PFKP: variants seen among roughly 807,000 people sequenced by gnomAD.
PFKP encodes phosphofructokinase, platelet.
In PFKP, 101 loss-of-function variants were observed where a neutral mutation model predicts 94.3. The observed-to-expected ratio is 1.07, with a 90% CI of 0.91 to 1.26. The LOEUF (loss-of-function observed/expected upper bound fraction) is 1.26, where lower values mean the gene tolerates loss of function less well. Among genes scored for constraint, PFKP ranks in the 50% most tolerant of loss-of-function variants. The pLI, the probability that PFKP is intolerant of heterozygous loss-of-function variation, is 0.00. For synonymous variants in PFKP, 573 were observed against 432.6 expected, an observed-to-expected ratio of 1.32 and a Z score of -4.03; for missense variants, 1,145 against 1,103.3, an observed-to-expected ratio of 1.04 and a Z score of -0.53.
Position 3,116,845 on chromosome 10 carries a change from C to T in PFKP, c.1441C>T (p.Arg481Cys), listed in dbSNP as rs766266837. 2.9e-5 allele frequency: 46 copies of T among 1,602,310 alleles called. No homozygotes were observed. Among genetic ancestry groups the T allele is most frequent in the African/African-American group, 6.7e-5 (5 of 74,660 alleles). Reference protein sequence around the residue: ...GQGGSILGTKRVLPGKYLEEI... With the variant: ...GQGGSILGTKCVLPGKYLEEI... ...AGGAGGCTCCATTCTTGGGACAAAACGGTAACTTCCAAATCTCAACTCTAT... is the reference window on the plus strand; with the variant it reads ...AGGAGGCTCCATTCTTGGGACAAAATGGTAACTTCCAAATCTCAACTCTAT... The change falls in exon 14 of 22, where the codon CGC becomes TGC. Residue 481 changes from arginine to cysteine, a missense_variant and splice_region_variant. Physicochemically the swap from Arg to Cys is radical, Grantham distance 180. Around this residue, in one of 3 missense-constraint regions of PFKP, gnomAD observed 1,119 missense variants for 1,062.8 expected, o/e 1.05. Coordinates refer to ENST00000381125, the MANE Select transcript of PFKP (RefSeq NM_002627.5).
At chr10:3,113,900 A>G (rs1391138503) in intron 13 of PFKP, among the ~76,000 whole-genome samples, 4 of 152,138 alleles carry the variant, frequency 2.6e-5, no homozygotes, top group Admixed American at 2.0e-4. Context: ...ACTGAAATAC[A>G]AACCTTAGTG....
At chr10:3,118,531 T>A (rs1036828481) in intron 14 of PFKP, among the ~76,000 whole-genome samples, 1 of 152,210 alleles carries the variant, frequency 6.6e-6, no homozygotes, top group Admixed American at 6.5e-5. Flanking sequence ...GGCAGTAGAG[T>A]TCTTTTTAGG....
chr10:3,077,428 AT>A (rs531950487), intron 1 of PFKP, among the ~76,000 whole-genome samples: 77 of 145,692 alleles, frequency 5.3e-4, no homozygotes, highest in Admixed American at 4.1e-4. Context: ...TGCCCGGCTA[AT>A]TTTTTTTTTT....
chr10:3,074,289 T>C (rs1393569718), intron 1 of PFKP, among the ~76,000 whole-genome samples: 1 of 152,192 alleles, frequency 6.6e-6, no homozygotes, highest in Non-Finnish European at 1.5e-5. Flanking sequence ...TAGCCTGACC[T>C]GAGAGGAAAA....
intron 16 of PFKP, chr10:3,129,142 T>C (rs1189702407): frequency 1.3e-5 from 2 of 152,276 alleles, no homozygotes; most frequent in East Asian, 3.9e-4. Context: ...AGGCGGCCGA[T>C]GCATTTCTTT....
chr10:3,069,433 G>T (rs763971614), intron 1 of PFKP: 19 of 1,547,450 alleles, frequency 1.2e-5, no homozygotes, highest in Non-Finnish European at 1.7e-5. Flanking sequence ...ACCCAGAGTG[G>T]CTTCTCAGTC....
chr10:3,101,925 C>T (rs1835029076), intron 4 of PFKP, among the ~76,000 whole-genome samples: 1 of 152,188 alleles, frequency 6.6e-6, no homozygotes, highest in South Asian at 2.1e-4. Context: ...TCAGCCCTCA[C>T]ACTGTGTCCC....
intron 15 of PFKP, among the ~76,000 whole-genome samples, chr10:3,119,448 T>A (rs1219431322): frequency 1.5e-5 from 2 of 136,882 alleles, no homozygotes; most frequent in African/African-American, 5.3e-5. Context: ...TCTACTAAAA[T>A]ATAAAAATTA....
chr10:3,086,277 G>A (rs1001575197), intron 2 of PFKP, among the ~76,000 whole-genome samples: 5 of 152,116 alleles, frequency 3.3e-5, no homozygotes, highest in Non-Finnish European at 5.9e-5. Flanking sequence ...CAGAAGTGGC[G>A]GCCTGAACAC....
Position 3,090,897 on chromosome 10 carries a change from C to CT in PFKP, c.187-8377dup, listed in dbSNP as rs1282846640. Among the ~76,000 whole-genome samples the CT allele has an allele frequency of 5.9e-5, 9 of 152,212 alleles. No homozygotes were observed. The East Asian group carries it at 1.7e-3, about 29-fold the overall frequency. ...ATTTTTTTCACCTATACTCTAGTTTCTAACCTAGAGCTCTCTGGGTTACCA... is the reference window on the plus strand; with the variant it reads ...ATTTTTTTCACCTATACTCTAGTTTCTTAACCTAGAGCTCTCTGGGTTACCA... On this transcript the variant is annotated intron_variant, in intron 2 of 21. Coordinates refer to ENST00000381125, the MANE Select transcript of PFKP (RefSeq NM_002627.5).
intron 4 of PFKP, among the ~76,000 whole-genome samples, chr10:3,102,406 T>C (rs1269145786): frequency 6.7e-6 from 1 of 148,376 alleles, no homozygotes; most frequent in South Asian, 2.2e-4. Flanking sequence ...TTTTGTTTTG[T>C]TTGATTGTTT....
chr10:3,109,566 T>C, intron 10 of PFKP, 86 bp downstream of exon 10: 2 of 1,507,496 alleles, frequency 1.3e-6, no homozygotes, highest in African/African-American at 1.4e-5. Context: ...ACCTTGGGTG[T>C]CTCGTCGGTG....
At chr10:3,104,785 G>T in intron 5 of PFKP, 1 of 410,046 alleles carries the variant, frequency 2.4e-6, no homozygotes, top group Non-Finnish European at 4.4e-6. Flanking sequence ...GCCCAATAGA[G>T]AAGGTATCTG....
intron 13 of PFKP, 77 bp from the exon 14 acceptor site, chr10:3,116,699 A>T: frequency 9.3e-7 from 1 of 1,074,256 alleles, no homozygotes; most frequent in Non-Finnish European, 1.5e-6. Context: ...TGAAAAGTAC[A>T]GAAAGCTATT....
chr10:3,126,367 TC>T (rs1236628189), intron 16 of PFKP, among the ~76,000 whole-genome samples: 4 of 152,164 alleles, frequency 2.6e-5, no homozygotes, highest in Non-Finnish European at 5.9e-5. Context: ...TCCCAGGACT[TC>T]CTTGGGCCCC....
intron 17 of PFKP, among the ~76,000 whole-genome samples, chr10:3,130,524 T>C (rs1838456549): frequency 1.3e-5 from 2 of 152,190 alleles, no homozygotes; most frequent in Admixed American, 6.5e-5. Flanking sequence ...CTAAACTTCA[T>C]GCAAGATGAC....
chr10:3,082,715 T>C (rs1833184214), intron 2 of PFKP, among the ~76,000 whole-genome samples: 1 of 152,186 alleles, frequency 6.6e-6, no homozygotes, highest in African/African-American at 2.4e-5. Context: ...AAAAGCCATT[T>C]TCTTTTTTCT....
chr10:3,100,266 A>G (rs768945833), intron 3 of PFKP, among the ~76,000 whole-genome samples: 22 of 151,954 alleles, frequency 1.4e-4, no homozygotes, highest in Non-Finnish European at 2.8e-4. Context: ...CAGAGTCCAG[A>G]GAGCACCCCT....
In PFKP at chr10:3,071,835, A is replaced by G. The variant is rs147315043; in HGVS notation, c.112+4128A>G. The stretch of plus-strand genomic sequence containing the variant: ...AATCCTAGTGAGAATAACTAGCATT[A>G]ATGACTCTTTGTTATGTGGCAGGGC... On this transcript the variant is annotated intron_variant, in intron 1 of 21. Coordinates refer to ENST00000381125, the MANE Select transcript of PFKP (RefSeq NM_002627.5). Among the ~76,000 whole-genome samples, 6 of 152,358 alleles carry G rather than the reference A, an allele frequency of 3.9e-5. No individual in the cohort carries two copies. In the East Asian group the frequency reaches 1.2e-3, roughly 29 times the overall value.
Sources: gnomAD v4.1 joint callset for allele counts (sites outside exome capture counted in the v4.1 genomes callset) on GRCh38, gnomAD v4.1.1 for gene constraint, gnomAD v4.1.1 regional missense constraint, MANE v1.5 for transcripts, NCBI Gene and HGNC (gene_info 2026-07-23, HGNC 2026-07-21) for gene names.